The following YAP1 variants were observed in gnomAD, a reference collection of about 807,000 sequenced individuals.
YAP1 encodes Yes1 associated transcriptional regulator, also known as transcriptional coactivator YAP1.
YAP1 carries 5 observed loss-of-function variants against 56.9 expected under a neutral mutation model. The ratio of observed to expected loss-of-function variants is 0.09; its 90% CI spans 0.05 to 0.18. The LOEUF is 0.18. YAP1 is among the 10% of genes least tolerant of loss of function. The pLI, the probability that YAP1 is intolerant of heterozygous loss-of-function variation, is 1.00. For missense variants in YAP1, 539 were observed against 651.8 expected (o/e 0.83, Z 1.88); for synonymous variants, 265 against 248.1 (o/e 1.07, Z -0.64).
intron 3 of YAP1, among the ~76,000 whole-genome samples, chr11:102,165,653 C>T (rs1041628266): frequency 3.3e-5 from 5 of 152,062 alleles, no homozygotes; most frequent in African/African-American, 1.2e-4. Context: ...AGGTATTTAA[C>T]AATAATAATA....
At chr11:102,112,379 GT>G in intron 1 of YAP1, 1 of 954,650 alleles carries the variant, frequency 1.0e-6, no homozygotes. Context: ...CAGTGGATTT[GT>G]TTTGTGTAGG....
At chr11:102,228,063 A>T (rs1950279347) in intron 8 of YAP1, among the ~76,000 whole-genome samples, 1 of 152,190 alleles carries the variant, frequency 6.6e-6, no homozygotes, top group African/African-American at 2.4e-5. Flanking sequence ...AAAAAAAAAA[A>T]AAAATCATAA....
intron 3 of YAP1, among the ~76,000 whole-genome samples, chr11:102,169,553 G>A (rs1161276764): frequency 2.0e-5 from 3 of 152,162 alleles, no homozygotes; most frequent in Middle Eastern, 3.2e-3. Flanking sequence ...CAAAGTCAGA[G>A]CAATGAAGAG....
chr11:102,216,013 C>T (rs373178413), intron 6 of YAP1, among the ~76,000 whole-genome samples: 1 of 152,140 alleles, frequency 6.6e-6, no homozygotes, highest in South Asian at 2.1e-4. Flanking sequence ...CGCGTGCTAG[C>T]GTGAACACAC....
intron 1 of YAP1, chr11:102,112,747 T>C (rs1943035697): frequency 1.0e-6 from 1 of 985,248 alleles, no homozygotes; most frequent in South Asian, 4.7e-5. Flanking sequence ...TTGTCTTAGG[T>C]ATGCTTTTTT....
intron 2 of YAP1, among the ~76,000 whole-genome samples, chr11:102,152,517 T>C (rs1306927980): frequency 6.6e-6 from 1 of 152,198 alleles, no homozygotes; most frequent in Middle Eastern, 3.2e-3. Context: ...TTTAGTCTTA[T>C]TGTGGGCCCT....
In YAP1 at chr11:102,162,563, C is replaced by G; in HGVS notation, c.680C>G (p.Ser227Trp). The part of the protein sequence containing the change: ...SPPVQQNMMN[S>W]ASGPLPDGWE... ...CCAGTGCAGCAGAATATGATGAACT[C>G]GGCTTCAGGTGAGTGAGACACTGTA... The change falls in exon 3 of 9, where the codon TCG becomes TGG. Residue 227 changes from serine to tryptophan, a missense_variant. Coordinates refer to ENST00000282441, the MANE Select transcript of YAP1 (RefSeq NM_001130145.3). 1.9e-6 allele frequency: 3 copies of G among 1,614,054 alleles called. No individual in the cohort carries two copies. The highest frequency in any genetic ancestry group is 8.5e-7 in the Non-Finnish European group (1 of 1,179,916).
At chr11:102,192,470 C>T (rs1015466604) in intron 4 of YAP1, among the ~76,000 whole-genome samples, 1 of 152,214 alleles carries the variant, frequency 6.6e-6, no homozygotes, top group African/African-American at 2.4e-5. Flanking sequence ...CTCTTTTCCA[C>T]ATGATAGTTA....
intron 2 of YAP1, among the ~76,000 whole-genome samples, chr11:102,131,633 T>C (rs1019940804): frequency 6.6e-6 from 1 of 152,250 alleles, no homozygotes; most frequent in Non-Finnish European, 1.5e-5. Flanking sequence ...GACTGTAGTT[T>C]CTGCATAATT....
chr11:102,190,800 A>G (rs1284093547), intron 4 of YAP1, among the ~76,000 whole-genome samples: 1 of 151,802 alleles, frequency 6.6e-6, no homozygotes, highest in African/African-American at 2.4e-5. Context: ...GCCAGGTGTG[A>G]TGGCACACGC....
At chr11:102,171,987 C>T (rs1320340317) in intron 3 of YAP1, among the ~76,000 whole-genome samples, 3 of 151,892 alleles carry the variant, frequency 2.0e-5, no homozygotes, top group African/African-American at 4.8e-5. Context: ...GTTAGGAGTT[C>T]GAGACCAGCT....
At chr11:102,179,529 C>G (rs762928384) in intron 3 of YAP1, among the ~76,000 whole-genome samples, 1 of 152,124 alleles carries the variant, frequency 6.6e-6, no homozygotes, top group African/African-American at 2.4e-5. Flanking sequence ...AGGTAGCAGC[C>G]TCTTCATGCT....
intron 2 of YAP1, among the ~76,000 whole-genome samples, chr11:102,129,169 A>G (rs936149995): frequency 6.6e-6 from 1 of 152,172 alleles, no homozygotes; most frequent in African/African-American, 2.4e-5. Flanking sequence ...GGTGGTGCTC[A>G]TTTAATAGAG....
chr11:102,183,427 G>C (rs889723309), intron 3 of YAP1, among the ~76,000 whole-genome samples: 1 of 152,252 alleles, frequency 6.6e-6, no homozygotes, highest in African/African-American at 2.4e-5. Context: ...AAGATGAATC[G>C]AAAATATTTT....
At chr11:102,197,510 A>G (rs564838978) in intron 4 of YAP1, among the ~76,000 whole-genome samples, 15 of 74,196 alleles carry the variant, frequency 2.0e-4, no homozygotes, top group South Asian at 1.8e-3. Context: ...AAACTTGGGG[A>G]AAAAAAACCT....
At chr11:102,223,212 C>T (rs1168314023) in intron 6 of YAP1, among the ~76,000 whole-genome samples, 1 of 147,862 alleles carries the variant, frequency 6.8e-6, no homozygotes, top group Non-Finnish European at 1.5e-5. Context: ...TGCACCACTG[C>T]ACTCCAGCCT....
chr11:102,223,547 C>T lies in YAP1; in HGVS notation c.1033-75C>T, dbSNP rs557803205. On this transcript the variant is annotated intron_variant, in intron 6 of 8. Coordinates refer to ENST00000282441, the MANE Select transcript of YAP1 (RefSeq NM_001130145.3). ...CTATCTGCACGGTTACTCTGATGAA[C>T]GTTTTATTTCTTTAAACCTAACATT... 24 of 1,501,968 alleles carry T rather than the reference C, an allele frequency of 1.6e-5. No homozygotes were observed. The African/African-American group carries it at 2.2e-4, about 14-fold the overall frequency. The allele number at this position is 1,501,968 out of a possible 1,614,324, so 93.0% of individuals were successfully genotyped here.
chr11:102,182,471 A>C (rs1443993304), intron 3 of YAP1, among the ~76,000 whole-genome samples: 1 of 152,232 alleles, frequency 6.6e-6, no homozygotes, highest in Non-Finnish European at 1.5e-5. Context: ...CTTTCAGAAA[A>C]CATATCACTT....
chr11:102,202,480 AT>A (rs1195978007), intron 4 of YAP1, among the ~76,000 whole-genome samples: 1,762 of 141,970 alleles, frequency 0.012, 12 homozygotes, highest in African/African-American at 0.037. Context: ...CACCTGGCCG[AT>A]TTTTTTTTTT....
Sources: gnomAD v4.1 joint callset for allele counts (sites outside exome capture counted in the v4.1 genomes callset) on GRCh38, gnomAD v4.1.1 for gene constraint, MANE v1.5 for transcripts, NCBI Gene and HGNC (gene_info 2026-07-23, HGNC 2026-07-21) for gene names.